DNAI1: variants seen among roughly 807,000 people sequenced by gnomAD.
DNAI1 encodes dynein axonemal intermediate chain 1, also known as dynein, axonemal, intermediate polypeptide 1.
DNAI1 carries 67 observed loss-of-function variants against 92.0 expected under a neutral mutation model. That is an observed-to-expected ratio of 0.73 (90% CI 0.60 to 0.89). DNAI1 has a LOEUF of 0.89. DNAI1 is among the 40% of genes least tolerant of loss of function. The pLI is 0.00. For missense variants in DNAI1, 839 were observed against 866.6 expected, an observed-to-expected ratio of 0.97 and a Z score of 0.40; for synonymous variants, 323 against 319.6, an observed-to-expected ratio of 1.01 and a Z score of -0.11.
chr9:34,489,409 T>C lies in DNAI1; in HGVS notation c.348T>C (p.Asp116=). Residue 116 remains aspartate (D), a synonymous_variant, in exon 5 of 20, where the codon GAT becomes GAC. Coordinates refer to ENST00000242317, the MANE Select transcript of DNAI1 (RefSeq NM_012144.4). ...QVGNLIPKDS[D]EGRRQHYRDE... ...GGAACCTGATCCCCAAAGACTCAGA[T>C]GAAGGACGGCGGCAGCATTACCGCG... 1 of 1,614,120 alleles carries C rather than the reference T, an allele frequency of 6.2e-7. No homozygotes were observed. Among genetic ancestry groups the C allele is most frequent in the Non-Finnish European group, 8.5e-7 (1 of 1,180,008 alleles).
At chr9:34,519,587 T>C (rs1436810026) in intron 19 of DNAI1, among the ~76,000 whole-genome samples, 1 of 151,808 alleles carries the variant, frequency 6.6e-6, no homozygotes, top group Non-Finnish European at 1.5e-5. Flanking sequence ...TGCAAGCGGA[T>C]AGGGGAGAAA....
chr9:34,519,887 G>A (rs1825236614), intron 19 of DNAI1, among the ~76,000 whole-genome samples: 1 of 152,206 alleles, frequency 6.6e-6, no homozygotes, highest in Non-Finnish European at 1.5e-5. Context: ...ACAGCAGGGA[G>A]GGTGGGACTG....
chr9:34,482,266 C>T (rs1412522623), intron 1 of DNAI1, among the ~76,000 whole-genome samples: 1 of 147,548 alleles, frequency 6.8e-6, no homozygotes, highest in African/African-American at 2.6e-5. Flanking sequence ...AAAGACTCTC[C>T]AAGTCCTCAC....
intron 18 of DNAI1, 35 bp downstream of exon 18, chr9:34,514,774 A>C: frequency 3.1e-6 from 5 of 1,604,460 alleles, no homozygotes; most frequent in Non-Finnish European, 4.3e-6. Flanking sequence ...CTGAGTCCCT[A>C]CTGGAGATCA....
At chr9:34,514,777 G>A (rs373479205) in intron 18 of DNAI1, 38 bp downstream of exon 18, 3 of 1,603,306 alleles carry the variant, frequency 1.9e-6, no homozygotes, top group Non-Finnish European at 2.6e-6. Context: ...AGTCCCTACT[G>A]GAGATCAGGT....
rs140974628 is a variant in DNAI1 at position 34,480,879 on chromosome 9, G to A, written c.49-2569G>A. On this transcript the variant is annotated intron_variant, in intron 1 of 19. Coordinates refer to ENST00000242317, the MANE Select transcript of DNAI1 (RefSeq NM_012144.4). ...GAGAATTGCTTGAACCTGGGAGGTG[G>A]AGGTTGCAGTGAGCTGAGATGGTGC... Among the ~76,000 whole-genome samples, 580 of 152,328 alleles carry A rather than the reference G, an allele frequency of 3.8e-3. 5 individuals are homozygous for A. The highest frequency in any genetic ancestry group is 0.013 in the African/African-American group (550 of 41,570).
chr9:34,466,287 T>G (rs1387989121), intron 1 of DNAI1, among the ~76,000 whole-genome samples: 1 of 152,226 alleles, frequency 6.6e-6, no homozygotes, highest in African/African-American at 2.4e-5. Context: ...CCCCTAATGT[T>G]AAGCTTATTT....
At chr9:34,517,036 C>T (rs898537345) in intron 18 of DNAI1, among the ~76,000 whole-genome samples, 7 of 152,168 alleles carry the variant, frequency 4.6e-5, no homozygotes, top group Admixed American at 1.3e-4. Context: ...TGAGCCACCA[C>T]GCCCAGCCTA....
chr9:34,515,016 A>G (rs1825146971), intron 18 of DNAI1, among the ~76,000 whole-genome samples: 1 of 152,180 alleles, frequency 6.6e-6, no homozygotes. Context: ...CCTCTGCTGT[A>G]TGGTGGAGAG....
At chr9:34,484,973 C>A (rs1433372349) in intron 2 of DNAI1, 169 bp from the exon 3 acceptor site, 2 of 670,364 alleles carry the variant, frequency 3.0e-6, no homozygotes, top group Admixed American at 2.2e-5. Context: ...AGAACTCTGG[C>A]CTGAGCAGTT....
At chr9:34,479,663 A>G (rs928691656) in intron 1 of DNAI1, among the ~76,000 whole-genome samples, 1 of 152,118 alleles carries the variant, frequency 6.6e-6, no homozygotes, top group Non-Finnish European at 1.5e-5. Flanking sequence ...TGAGCCTGAA[A>G]GTTGTTACAC....
intron 16 of DNAI1, 133 bp downstream of exon 16, chr9:34,513,324 G>T (rs899822235): frequency 5.3e-6 from 4 of 752,550 alleles, no homozygotes; most frequent in African/African-American, 3.5e-5. Flanking sequence ...TGAGGGAAGA[G>T]AATGTATTTC....
chr9:34,511,139 C>T (rs1377764908), intron 13 of DNAI1, among the ~76,000 whole-genome samples: 4 of 152,174 alleles, frequency 2.6e-5, no homozygotes, highest in Admixed American at 2.0e-4. Context: ...CCAGCATGGG[C>T]GGTCTGGAGG....
intron 12 of DNAI1, among the ~76,000 whole-genome samples, chr9:34,502,663 C>T (rs1408584640): frequency 6.6e-6 from 1 of 152,126 alleles, no homozygotes; most frequent in East Asian, 1.9e-4. Flanking sequence ...CAGCAGAAGA[C>T]CTTGAGCCTG....
At chr9:34,511,987 A>T (rs1395556745) in intron 13 of DNAI1, 122 bp from the exon 14 acceptor site, 2 of 842,926 alleles carry the variant, frequency 2.4e-6, no homozygotes, top group African/African-American at 1.7e-5. Context: ...GGATTCTGGG[A>T]AATGGGCTCC....
chr9:34,506,916 G>GTA, intron 13 of DNAI1, 42 bp downstream of exon 13: 1 of 1,602,212 alleles, frequency 6.2e-7, no homozygotes. Context: ...GGAGCAGCAT[G>GTA]TGGGCCTGGA....
Position 34,501,645 on chromosome 9 carries a change from C to T in DNAI1, c.1063+464C>T, listed in dbSNP as rs190808732. 8.5e-5 allele frequency among the ~76,000 whole-genome samples: 13 copies of T among 152,244 alleles called. No individual in the cohort carries two copies. In the East Asian group the frequency reaches 1.7e-3, roughly 20 times the overall value. ...GGCATTGCAGGCCTGAGACTGGAGGCAAGGAAACCAGTTAGGAGACTGATG... is the reference window on the plus strand; with the variant it reads ...GGCATTGCAGGCCTGAGACTGGAGGTAAGGAAACCAGTTAGGAGACTGATG... On this transcript the variant is annotated intron_variant, in intron 12 of 19. Coordinates refer to ENST00000242317, the MANE Select transcript of DNAI1 (RefSeq NM_012144.4).
intron 12 of DNAI1, 128 bp downstream of exon 12, chr9:34,501,309 A>T: frequency 2.5e-6 from 2 of 816,278 alleles, no homozygotes; most frequent in South Asian, 2.8e-5. Flanking sequence ...TCACAGTCTA[A>T]TGGGGAAGAC....
intron 1 of DNAI1, among the ~76,000 whole-genome samples, chr9:34,477,539 A>G (rs959542393): frequency 1.3e-5 from 2 of 152,220 alleles, no homozygotes; most frequent in Non-Finnish European, 2.9e-5. Context: ...AGTAGAGAGA[A>G]ACTGGAGTCA....
Sources: allele counts gnomAD v4.1 joint callset (sites outside exome capture counted in the v4.1 genomes callset), GRCh38; gene constraint gnomAD v4.1.1; transcripts MANE v1.5; gene names NCBI Gene and HGNC (gene_info 2026-07-23, HGNC 2026-07-21).